MYH11: variants seen among roughly 807,000 people sequenced by gnomAD.
MYH11 encodes myosin heavy chain 11.
Under a neutral mutation model 246.6 loss-of-function variants are expected in MYH11, and 80 were observed. The ratio of observed to expected loss-of-function variants is 0.32; its 90% confidence interval spans 0.27 to 0.39. The LOEUF is 0.39. Among genes scored for constraint, MYH11 ranks in the 10% least tolerant of loss-of-function variants. The pLI, the probability that MYH11 is intolerant of heterozygous loss-of-function variation, is 1.00. For synonymous variants in MYH11, 1,071 were observed against 1,015.5 expected (o/e 1.05, Z -1.04); for missense variants, 2,158 against 2,546.8 (o/e 0.85, Z 3.29).
At chr16:15,807,370 G>A (rs1430240034) in intron 3 of MYH11, among the ~76,000 whole-genome samples, 2 of 152,140 alleles carry the variant, frequency 1.3e-5, no homozygotes, top group Admixed American at 1.3e-4. Context: ...ATGACCGTAA[G>A]AGATGAGCAG....
intron 40 of MYH11, among the ~76,000 whole-genome samples, chr16:15,712,187 A>C (rs1015409072): frequency 6.6e-6 from 1 of 152,186 alleles, no homozygotes; most frequent in East Asian, 1.9e-4. Flanking sequence ...GGGGTGCAGC[A>C]TGTTTGGTGT....
chr16:15,846,060 C>A (rs1464680996), intron 1 of MYH11, among the ~76,000 whole-genome samples: 1 of 152,098 alleles, frequency 6.6e-6, no homozygotes. Flanking sequence ...CATCATACCA[C>A]TACACTCCAG....
intron 1 of MYH11, among the ~76,000 whole-genome samples, chr16:15,850,105 C>T (rs1350805082): frequency 6.6e-6 from 1 of 152,224 alleles, no homozygotes; most frequent in East Asian, 1.9e-4. Context: ...GTAAATTAGG[C>T]CGGGCATGGT....
chr16:15,744,468 C>G (rs184265743), intron 20 of MYH11, among the ~76,000 whole-genome samples: 1 of 151,460 alleles, frequency 6.6e-6, no homozygotes, highest in Admixed American at 6.6e-5. Flanking sequence ...GCTGGGATTA[C>G]AGCCGTGAGC....
At chr16:15,726,688 A>T in intron 28 of MYH11, 160 bp downstream of exon 28, 2 of 850,836 alleles carry the variant, frequency 2.4e-6, no homozygotes, top group Non-Finnish European at 3.8e-6. Context: ...TTTAATATTT[A>T]ATTGAACAGG....
intron 3 of MYH11, among the ~76,000 whole-genome samples, chr16:15,804,697 A>G (rs1384361868): frequency 5.9e-5 from 9 of 152,052 alleles, no homozygotes; most frequent in African/African-American, 2.2e-4. Context: ...GCAACCGCCA[A>G]TTTGCTTTCT....
intron 36 of MYH11, 24 bp downstream of exon 36, chr16:15,719,196 C>G: frequency 6.2e-7 from 1 of 1,610,056 alleles, no homozygotes; most frequent in Non-Finnish European, 8.5e-7. Context: ...CTTCAGAGCC[C>G]TCTTCCTCCA....
intron 40 of MYH11, among the ~76,000 whole-genome samples, chr16:15,710,161 C>T (rs1298484911): frequency 6.6e-6 from 1 of 152,128 alleles, no homozygotes; most frequent in Admixed American, 6.6e-5. Context: ...CCACTTTGCC[C>T]TTGGCTGCCC....
intron 3 of MYH11, among the ~76,000 whole-genome samples, chr16:15,809,831 G>C (rs2043098007): frequency 6.6e-6 from 1 of 150,804 alleles, no homozygotes; most frequent in Non-Finnish European, 1.5e-5. Flanking sequence ...TGAGGTGGGA[G>C]GATCACCTGA....
At chr16:15,736,258 A>G (rs1031237646) in intron 25 of MYH11, among the ~76,000 whole-genome samples, 1 of 152,140 alleles carries the variant, frequency 6.6e-6, no homozygotes, top group Admixed American at 6.6e-5. Flanking sequence ...CTAGTAAGCC[A>G]GTGAAGTTAG....
At chr16:15,751,317 G>A (rs967768993) in intron 15 of MYH11, among the ~76,000 whole-genome samples, 7 of 151,348 alleles carry the variant, frequency 4.6e-5, no homozygotes, top group African/African-American at 1.2e-4. Flanking sequence ...GCGCCACCAC[G>A]CCCGGCTCAT....
chr16:15,790,351 C>A (rs1269125554), intron 4 of MYH11, among the ~76,000 whole-genome samples: 4 of 148,136 alleles, frequency 2.7e-5, no homozygotes, highest in African/African-American at 9.9e-5. Context: ...AAAAAAAAAA[C>A]AAAGACATCA....
intron 32 of MYH11, 68 bp from the exon 33 acceptor site, chr16:15,721,119 G>GT (rs2040450930): frequency 1.3e-6 from 2 of 1,548,244 alleles, no homozygotes; most frequent in Non-Finnish European, 1.8e-6. Flanking sequence ...GAAACCCACC[G>GT]TGAGCGGCAC....
At chr16:15,772,087 CTT>C (rs35008322) in intron 8 of MYH11, among the ~76,000 whole-genome samples, 8 of 105,952 alleles carry the variant, frequency 7.6e-5, no homozygotes, top group African/African-American at 1.0e-4. Flanking sequence ...AACCTTTACT[CTT>C]TTTTTTTTTT....
chr16:15,827,361 C>T (rs1283705865), intron 2 of MYH11, among the ~76,000 whole-genome samples: 1 of 152,192 alleles, frequency 6.6e-6, no homozygotes, highest in Non-Finnish European at 1.5e-5. Flanking sequence ...AGGTGTTAAC[C>T]AGCTCAAGAC....
At chr16:15,805,636 C>T (rs968595049) in intron 3 of MYH11, among the ~76,000 whole-genome samples, 2 of 152,150 alleles carry the variant, frequency 1.3e-5, no homozygotes, top group African/African-American at 2.4e-5. Context: ...TTATGGCCGG[C>T]GGCCATGGCT....
rs951297859 is a variant in MYH11, at chr16:15,718,398, T to A, written c.5212A>T (p.Ile1738Phe). ...TCCAGCTCCTCCTCCAGCTGGGCGA[T>A]CCGGGCCTCCAGGCGGCGCTTCTCG... ...QDEKRRLEAR[I>F]AQLEEELEEE... The change falls in exon 37 of 41, where the codon ATC becomes TTC. Residue 1738 changes from isoleucine (I) to phenylalanine (F), a missense_variant. Transcript: ENST00000300036. 1 of 1,597,684 alleles carries A rather than the reference T, an allele frequency of 6.3e-7. No homozygotes were observed. Among genetic ancestry groups the A allele is most frequent in the Admixed American group, 1.7e-5 (1 of 59,150 alleles).
chr16:15,761,084 AGATTT>A (rs2041857612), intron 10 of MYH11, among the ~76,000 whole-genome samples: 1 of 152,152 alleles, frequency 6.6e-6, no homozygotes, highest in Non-Finnish European at 1.5e-5. Flanking sequence ...TGAGATAGAT[AGATTT>A]ATTTATTTAT....
At chr16:15,743,585 C>T (rs1330952800) in intron 20 of MYH11, among the ~76,000 whole-genome samples, 1 of 152,200 alleles carries the variant, frequency 6.6e-6, no homozygotes, top group Non-Finnish European at 1.5e-5. Flanking sequence ...TTTTCAAGCC[C>T]CTGCCTGGCA....
Sources: gnomAD v4.1 joint callset for allele counts (sites outside exome capture counted in the v4.1 genomes callset) on GRCh38, gnomAD v4.1.1 for gene constraint, MANE v1.5 for transcripts, NCBI Gene and HGNC (gene_info 2026-07-23, HGNC 2026-07-21) for gene names.